Variants in CACNA1C observed in about 807,000 individuals in gnomAD.
CACNA1C encodes the protein voltage-dependent L-type calcium channel subunit alpha-1C.
In CACNA1C, 30 loss-of-function variants were observed where a neutral mutation model predicts 229.0. That is an observed-to-expected ratio of 0.13 (90% CI 0.10 to 0.18). The LOEUF (loss-of-function observed/expected upper bound fraction) is 0.18, where lower values mean the gene tolerates loss of function less well. Among genes scored for constraint, CACNA1C ranks in the 10% least tolerant of loss-of-function variants. The pLI is 1.00. For missense variants in CACNA1C, 1,658 were observed against 2,845.0 expected (o/e 0.58, Z 9.49); for synonymous variants, 1,114 against 1,132.5 (o/e 0.98, Z 0.33).
intron 14 of CACNA1C, among the ~76,000 whole-genome samples, chr12:2,582,185 A>C (rs1382047103): frequency 6.6e-6 from 1 of 152,006 alleles, no homozygotes. Flanking sequence ...CCTTTACTTA[A>C]ATTCTCCATG....
chr12:2,314,857 A>G (rs931827358), intron 3 of CACNA1C, among the ~76,000 whole-genome samples: 1 of 152,116 alleles, frequency 6.6e-6, no homozygotes, highest in Non-Finnish European at 1.5e-5. Context: ...GCTGGGTTGT[A>G]GGGTGTGTGC....
At chr12:2,284,156 G>T (rs1302648534) in intron 3 of CACNA1C, among the ~76,000 whole-genome samples, 1 of 152,208 alleles carries the variant, frequency 6.6e-6, no homozygotes, top group African/African-American at 2.4e-5. Context: ...GCTCTGCCGG[G>T]CTGCATGAGT....
At chr12:2,546,018 C>T (rs1326852180) in intron 9 of CACNA1C, among the ~76,000 whole-genome samples, 1 of 151,872 alleles carries the variant, frequency 6.6e-6, no homozygotes, top group African/African-American at 2.4e-5. Flanking sequence ...TTCACATTCT[C>T]CCGTGCAGTG....
chr12:2,171,284 T>C (rs947825718), intron 3 of CACNA1C, among the ~76,000 whole-genome samples: 1 of 152,086 alleles, frequency 6.6e-6, no homozygotes, highest in Non-Finnish European at 1.5e-5. Context: ...CCGTAGAGAT[T>C]AAGCCTTGGA....
intron 45 of CACNA1C, among the ~76,000 whole-genome samples, chr12:2,686,896 G>A (rs2097533331): frequency 6.6e-6 from 1 of 152,226 alleles, no homozygotes; most frequent in East Asian, 1.9e-4. Context: ...TTAACCCCAG[G>A]CAAACTGAGG....
At chr12:2,610,399 G>A (rs1314438953) in intron 27 of CACNA1C, 142 bp from the exon 28 acceptor site, 1 of 761,520 alleles carries the variant, frequency 1.3e-6, no homozygotes, top group Non-Finnish European at 2.1e-6. Context: ...AAGTGAGCCG[G>A]AGCGGCCAAT....
At position 2,611,933 on chromosome 12, in the gene CACNA1C, G is replaced by T. The variant is rs373930708; in HGVS notation, c.3748G>T (p.Ala1250Ser). Residue 1250 changes from alanine to serine, a missense_variant, in exon 29 of 47, where the codon GCC (alanine) becomes TCC (serine). Transcript: ENST00000399655. ...CGGCCAGAGCTGCCTGTTCAAAATC[G>T]CCATGAACATCCTCAACATGCTCTT... ...HYGQSCLFKI[A>S]MNILNMLFTG... The T allele has an allele frequency of 6.2e-6, 10 of 1,613,370 alleles. No homozygotes were observed. The highest frequency in any genetic ancestry group is 8.5e-6 in the Non-Finnish European group (10 of 1,179,420).
chr12:2,604,593 A>G (rs2074386941), intron 22 of CACNA1C, among the ~76,000 whole-genome samples: 1 of 152,200 alleles, frequency 6.6e-6, no homozygotes, highest in African/African-American at 2.4e-5. Flanking sequence ...TCTCAAGCAC[A>G]TGGCTGGGTG....
intron 3 of CACNA1C, among the ~76,000 whole-genome samples, chr12:2,306,706 C>CA (rs1018738246): frequency 3.9e-5 from 6 of 151,980 alleles, no homozygotes; most frequent in Admixed American, 6.6e-5. Flanking sequence ...GTATGTTAGT[C>CA]AAAAAAAGTT....
At chr12:2,473,755 T>C (rs2099605107) in intron 5 of CACNA1C, among the ~76,000 whole-genome samples, 2 of 152,152 alleles carry the variant, frequency 1.3e-5, no homozygotes, top group Admixed American at 6.5e-5. Flanking sequence ...TCCAAAAATA[T>C]ATTTTAAAAG....
intron 4 of CACNA1C, among the ~76,000 whole-genome samples, chr12:2,453,598 T>TC (rs2099397829): frequency 6.6e-6 from 1 of 152,130 alleles, no homozygotes; most frequent in African/African-American, 2.4e-5. Context: ...TATTGAGTCA[T>TC]CCCTCATCAC....
intron 1 of CACNA1C, among the ~76,000 whole-genome samples, chr12:2,035,215 C>A (rs530211400): frequency 6.6e-6 from 1 of 152,248 alleles, no homozygotes; most frequent in Non-Finnish European, 1.5e-5. Flanking sequence ...AGAACTGCCA[C>A]CTTCCAAGTC....
intron 3 of CACNA1C, among the ~76,000 whole-genome samples, chr12:2,128,258 G>A (rs941395941): frequency 3.2e-4 from 49 of 152,112 alleles, no homozygotes; most frequent in African/African-American, 1.1e-3. Flanking sequence ...GTGTAGGGTC[G>A]CTGTGAGTAT....
At chr12:2,142,257 T>C (rs2094301860) in intron 3 of CACNA1C, among the ~76,000 whole-genome samples, 2 of 151,128 alleles carry the variant, frequency 1.3e-5, no homozygotes, top group South Asian at 4.2e-4. Flanking sequence ...ACATGTACGA[T>C]GGTAGTCCCA....
At chr12:2,197,489 CTT>C (rs1332741687) in intron 3 of CACNA1C, among the ~76,000 whole-genome samples, 1 of 152,170 alleles carries the variant, frequency 6.6e-6, no homozygotes, top group Non-Finnish European at 1.5e-5. Context: ...TATAATGTCA[CTT>C]ATTATTATGT....
In CACNA1C at chr12:2,350,975, G is replaced by A. The variant is rs141181408; in HGVS notation, c.478-98001G>A. Among the ~76,000 whole-genome samples the A allele has an allele frequency of 1.3e-3, 200 of 152,328 alleles. 1 individual carries two copies. The highest frequency in any genetic ancestry group is 4.3e-3 in the African/African-American group (180 of 41,580). On this transcript the variant is annotated intron_variant, in intron 3 of 46. Transcript: ENST00000399655. Reference sequence around the variant, plus strand: ...AAGTTCTTGTTCATAAACTCAAGCCGAAGGCTGCCCTGGAGCAGCTCCAGC... The same window carrying A: ...AAGTTCTTGTTCATAAACTCAAGCCAAAGGCTGCCCTGGAGCAGCTCCAGC...
chr12:2,486,318 C>G lies in CACNA1C; in HGVS notation c.916+56C>G, dbSNP rs1485773276. On this transcript the variant is annotated intron_variant, in intron 6 of 46. Coordinates refer to ENST00000399655, the MANE Select transcript of CACNA1C (RefSeq NM_000719.7). The surrounding 1 kb of genome is among the most constrained non-coding windows in gnomAD (Gnocchi z 4.9). ...GCCCTGCCCTCTATCGCTCCCAGCA[C>G]CTTTCCCGCTGCTGGCTACACCAAC... 1 of 1,466,098 alleles carries G rather than the reference C, an allele frequency of 6.8e-7. No individual in the cohort carries two copies. Among genetic ancestry groups the G allele is most frequent in the Admixed American group, 1.8e-5 (1 of 55,522 alleles). 90.8% of individuals were successfully genotyped at this position (1,466,098 alleles called of 1,614,324 possible).
At chr12:2,136,934 G>T (rs866154445) in intron 3 of CACNA1C, among the ~76,000 whole-genome samples, 1 of 151,368 alleles carries the variant, frequency 6.6e-6, no homozygotes, top group Admixed American at 6.6e-5. Context: ...GACCCTTCTC[G>T]TGGACTGAGT....
At chr12:2,671,484 C>T (rs2096567410) in intron 38 of CACNA1C, among the ~76,000 whole-genome samples, 1 of 152,148 alleles carries the variant, frequency 6.6e-6, no homozygotes, top group African/African-American at 2.4e-5. Context: ...TGTTACTCCC[C>T]TATGTTCAGA....
Sources: gnomAD v4.1 joint callset for allele counts (sites outside exome capture counted in the v4.1 genomes callset) on GRCh38, gnomAD v4.1.1 for gene constraint, Gnocchi (gnomAD v3.1) non-coding constraint, MANE v1.5 for transcripts, NCBI Gene and HGNC (gene_info 2026-07-23, HGNC 2026-07-21) for gene names.